The following MEI4 variants were observed in gnomAD, a reference collection of about 807,000 sequenced individuals.
The protein encoded by MEI4 is meiosis-specific protein MEI4.
MEI4 carries 27 observed loss-of-function variants against 31.4 expected under a neutral mutation model. The ratio of observed to expected loss-of-function variants is 0.86; its 90% confidence interval spans 0.63 to 1.19. The LOEUF is 1.19. MEI4 is among the 50% of genes most tolerant of loss of function. The pLI is 0.00. For synonymous variants in MEI4, 122 were observed against 145.4 expected, an observed-to-expected ratio of 0.84 and a Z score of 1.16; for missense variants, 329 against 398.9, an observed-to-expected ratio of 0.82 and a Z score of 1.49.
At chr6:77,825,413 G>C (rs983182984) in intron 3 of MEI4, among the ~76,000 whole-genome samples, 3 of 152,126 alleles carry the variant, frequency 2.0e-5, no homozygotes, top group African/African-American at 7.2e-5. Context: ...GAGCTTTCCA[G>C]ATTCTCAAAA....
intron 3 of MEI4, among the ~76,000 whole-genome samples, chr6:77,797,297 A>G (rs928077335): frequency 6.6e-6 from 1 of 152,202 alleles, no homozygotes; most frequent in Non-Finnish European, 1.5e-5. Flanking sequence ...TTTTTTGGAT[A>G]TGACACCAAA....
intron 2 of MEI4, among the ~76,000 whole-genome samples, chr6:77,715,617 A>G (rs1407053340): frequency 1.3e-5 from 2 of 152,190 alleles, no homozygotes; most frequent in Admixed American, 1.3e-4. Context: ...TGCAGAATCA[A>G]GCATATGGCT....
chr6:77,761,749 T>C (rs1768050149), intron 3 of MEI4, 84 bp downstream of exon 3: 17 of 979,916 alleles, frequency 1.7e-5, no homozygotes, highest in East Asian at 9.8e-5. Context: ...TGTTGTCCCT[T>C]AGCCTTGTGG....
intron 2 of MEI4, among the ~76,000 whole-genome samples, chr6:77,693,076 G>A (rs1769188561): frequency 6.6e-6 from 1 of 151,994 alleles, no homozygotes. Context: ...TATGCTGTGG[G>A]TAATAGGAGA....
At chr6:77,696,173 A>G (rs965447487) in intron 2 of MEI4, among the ~76,000 whole-genome samples, 31 of 152,134 alleles carry the variant, frequency 2.0e-4, no homozygotes, top group Non-Finnish European at 3.8e-4. Context: ...GACTGAGACA[A>G]TGGGGTTTTC....
intron 4 of MEI4, among the ~76,000 whole-genome samples, chr6:77,873,524 G>A (rs1249824381): frequency 3.3e-5 from 5 of 152,098 alleles, no homozygotes; most frequent in Non-Finnish European, 7.3e-5. Context: ...AGGTGAGTAC[G>A]TTGCGAAAAT....
intron 2 of MEI4, among the ~76,000 whole-genome samples, chr6:77,740,105 T>C (rs1164787117): frequency 1.3e-5 from 2 of 152,224 alleles, no homozygotes; most frequent in Non-Finnish European, 2.9e-5. Flanking sequence ...TGTAACTGTA[T>C]GGTTTTGAGT....
At chr6:77,886,643 G>A (rs1771626525) in intron 4 of MEI4, among the ~76,000 whole-genome samples, 1 of 152,104 alleles carries the variant, frequency 6.6e-6, no homozygotes, top group African/African-American at 2.4e-5. Context: ...ATGTTGGCCA[G>A]GCTGGTCTTG....
At chr6:77,773,696 A>G (rs1768371325) in intron 3 of MEI4, among the ~76,000 whole-genome samples, 1 of 152,094 alleles carries the variant, frequency 6.6e-6, no homozygotes, top group Admixed American at 6.6e-5. Flanking sequence ...AGTTTTGCCT[A>G]TCAAAGAAAA....
chr6:77,916,579 C>A (rs1429999275), intron 4 of MEI4, among the ~76,000 whole-genome samples: 1 of 151,990 alleles, frequency 6.6e-6, no homozygotes, highest in Non-Finnish European at 1.5e-5. Context: ...CATGGCTTTA[C>A]CTACTAATTT....
intron 3 of MEI4, among the ~76,000 whole-genome samples, chr6:77,811,705 G>T (rs534755205): frequency 2.0e-5 from 3 of 151,772 alleles, no homozygotes; most frequent in African/African-American, 7.3e-5. Flanking sequence ...AACCTGGGAG[G>T]TGGAGGTTGC....
chr6:77,843,819 CATGAT>C (rs1770417661), intron 4 of MEI4, among the ~76,000 whole-genome samples: 1 of 152,050 alleles, frequency 6.6e-6, no homozygotes, highest in South Asian at 2.1e-4. Context: ...TTAATTTACT[CATGAT>C]ATGATCATGA....
intron 2 of MEI4, among the ~76,000 whole-genome samples, chr6:77,696,240 A>C (rs1766036904): frequency 6.6e-6 from 1 of 152,048 alleles, no homozygotes; most frequent in South Asian, 2.1e-4. Context: ...TCTTTTCCTA[A>C]TTGAATACCC....
intron 3 of MEI4, among the ~76,000 whole-genome samples, chr6:77,767,469 C>G (rs1417177393): frequency 6.6e-6 from 1 of 152,006 alleles, no homozygotes; most frequent in Non-Finnish European, 1.5e-5. Flanking sequence ...CCGAGGCAGG[C>G]AGATCACTTG....
Position 77,676,525 on chromosome 6 carries a change from CAAT to C in MEI4, c.-14-14115_-14-14113del, listed in dbSNP as rs577541362. ...CTGGGCAATGGAGCAAGACCCATTT[CAAT>C]AATAATAATAATAATAAATGTTAAA... is the stretch of plus-strand genomic sequence containing the variant. On this transcript the variant is annotated intron_variant, in intron 1 of 4. Coordinates refer to ENST00000684080, the MANE Select transcript of MEI4 (RefSeq NM_001322247.2). Among the ~76,000 whole-genome samples the C allele has an allele frequency of 1.8e-4, 27 of 151,546 alleles. 1 individual carries two copies. Among genetic ancestry groups the C allele is most frequent in the Non-Finnish European group, 1.5e-4 (10 of 67,864 alleles).
At chr6:77,893,485 G>A (rs139889488) in intron 4 of MEI4, among the ~76,000 whole-genome samples, 4 of 152,220 alleles carry the variant, frequency 2.6e-5, no homozygotes, top group East Asian at 1.9e-4. Context: ...GGACATAACC[G>A]TCTTATAGAC....
At chr6:77,785,261 T>C (rs956584063) in intron 3 of MEI4, among the ~76,000 whole-genome samples, 8 of 152,152 alleles carry the variant, frequency 5.3e-5, no homozygotes, top group Non-Finnish European at 1.2e-4. Context: ...ATTTTACTCT[T>C]AAATGCAGCT....
chr6:77,908,214 G>A (rs965819135), intron 4 of MEI4, among the ~76,000 whole-genome samples: 1 of 152,076 alleles, frequency 6.6e-6, no homozygotes, highest in Non-Finnish European at 1.5e-5. Flanking sequence ...TAGCCATGAA[G>A]TCCTTGCCCA....
At chr6:77,736,420 T>C (rs1767222626) in intron 2 of MEI4, among the ~76,000 whole-genome samples, 1 of 152,074 alleles carries the variant, frequency 6.6e-6, no homozygotes, top group African/African-American at 2.4e-5. Flanking sequence ...GTCACCCCTT[T>C]CTTTGACTAG....
Sources: allele counts gnomAD v4.1 joint callset (sites outside exome capture counted in the v4.1 genomes callset), GRCh38; gene constraint gnomAD v4.1.1; transcripts MANE v1.5; gene names NCBI Gene and HGNC (gene_info 2026-07-23, HGNC 2026-07-21).